ATXN7: variants seen among roughly 807,000 people sequenced by gnomAD.
The protein encoded by ATXN7 is ataxin 7.
ATXN7 carries 12 observed loss-of-function variants against 70.5 expected under a neutral mutation model. That is an observed-to-expected ratio of 0.17 (90% confidence interval 0.11 to 0.28). The LOEUF (loss-of-function observed/expected upper bound fraction) is 0.28. Ranked by LOEUF, ATXN7 falls within the 10% of genes least tolerant of loss-of-function variation. ATXN7 has a pLI of 1.00. For missense variants in ATXN7, 1,256 were observed against 1,131.7 expected (o/e 1.11, Z -1.58); for synonymous variants, 498 against 448.7 (o/e 1.11, Z -1.39).
chr3:63,953,750 A>G lies in ATXN7; in HGVS notation c.499+1267A>G, dbSNP rs565870825. Among the ~76,000 whole-genome samples, 116 of 150,854 alleles carry G rather than the reference A, an allele frequency of 7.7e-4. 1 individual carries two copies. The highest frequency in any genetic ancestry group is 2.7e-3 in the African/African-American group (109 of 41,000). On this transcript the variant is annotated intron_variant, in intron 5 of 12. Coordinates refer to ENST00000674280, the MANE Select transcript of ATXN7 (RefSeq NM_001377405.1). The stretch of plus-strand genomic sequence containing the variant: ...ACTGCAACCTCCGCCTCCCAGATTC[A>G]AGCAATTCCCTTGCTTCAGTCTCCT...
At chr3:63,921,639 A>C (rs1455315581) in intron 4 of ATXN7, among the ~76,000 whole-genome samples, 1 of 152,146 alleles carries the variant, frequency 6.6e-6, no homozygotes, top group Non-Finnish European at 1.5e-5. Flanking sequence ...GAGGTTCCAT[A>C]TGGCAAGTTT....
At chr3:63,954,881 G>C (rs1203384249) in intron 5 of ATXN7, among the ~76,000 whole-genome samples, 1 of 151,614 alleles carries the variant, frequency 6.6e-6, no homozygotes, top group Non-Finnish European at 1.5e-5. Context: ...GCTAATTTTT[G>C]TATTTTTATT....
At chr3:63,981,338 G>A (rs1051045878) in intron 6 of ATXN7, among the ~76,000 whole-genome samples, 6 of 152,198 alleles carry the variant, frequency 3.9e-5, no homozygotes, top group African/African-American at 1.4e-4. Context: ...AGCCACAAAC[G>A]GTGCCAGTGT....
chr3:63,942,862 A>G (rs549737951), intron 4 of ATXN7, among the ~76,000 whole-genome samples: 5 of 152,358 alleles, frequency 3.3e-5, no homozygotes, highest in African/African-American at 1.2e-4. Flanking sequence ...ACAAGTGAGT[A>G]TACTGAGCAG....
intron 11 of ATXN7, among the ~76,000 whole-genome samples, chr3:63,995,047 T>C (rs1322563690): frequency 2.0e-5 from 3 of 152,212 alleles, no homozygotes; most frequent in African/African-American, 7.2e-5. Context: ...TCTCTCGACA[T>C]TTATTCAGTG....
At chr3:63,889,757 TCA>T (rs998959171) in intron 1 of ATXN7, among the ~76,000 whole-genome samples, 2 of 152,198 alleles carry the variant, frequency 1.3e-5, no homozygotes, top group African/African-American at 2.4e-5. Flanking sequence ...CACTGGCTCC[TCA>T]GCTTCTCCAG....
intron 5 of ATXN7, chr3:63,967,927 A>T (rs1318652923): frequency 1.2e-5 from 18 of 1,535,810 alleles, no homozygotes; most frequent in Non-Finnish European, 1.5e-5. Flanking sequence ...AGGTAGCAAG[A>T]CGCCTCTCCA....
intron 4 of ATXN7, among the ~76,000 whole-genome samples, chr3:63,939,782 C>G (rs368752744): frequency 6.6e-6 from 1 of 152,058 alleles, no homozygotes; most frequent in African/African-American, 2.4e-5. Flanking sequence ...CTAGGGTAGC[C>G]GTGAAAGCCA....
chr3:63,912,700 G>C lies in ATXN7; in HGVS notation c.102G>C (p.Gln34His), dbSNP rs1274547018. 2 of 1,176,568 alleles carry C rather than the reference G, an allele frequency of 1.7e-6. No homozygotes were observed. Among genetic ancestry groups the C allele is most frequent in the African/African-American group, 1.7e-5 (1 of 59,762 alleles). The allele number at this position is 1,176,568 out of a possible 1,614,324, so 72.9% of individuals were successfully genotyped here. Residue 34 changes from glutamine (Q) to histidine (H), a missense_variant, in exon 3 of 13, where the codon CAG becomes CAC. Transcript: ENST00000674280. ...CGGCCGCCCGGCAGCAGCAGCAGCA[G>C]CAGCAGCAGCAGCAGCCGCCGCCTC... ...AAAAARQQQQ[Q>H]QQQQQPPPPQ...
intron 4 of ATXN7, among the ~76,000 whole-genome samples, chr3:63,918,468 A>G (rs1238619771): frequency 6.6e-6 from 1 of 152,212 alleles, no homozygotes; most frequent in Non-Finnish European, 1.5e-5. Flanking sequence ...TACAAAGTAG[A>G]GAAAATATTT....
chr3:63,967,133 T>G (rs2075238240), intron 5 of ATXN7, among the ~76,000 whole-genome samples: 1 of 152,136 alleles, frequency 6.6e-6, no homozygotes, highest in East Asian at 1.9e-4. Flanking sequence ...ATTTGTTGAT[T>G]GGCCAGAGAG....
At chr3:63,990,408 C>T in intron 10 of ATXN7, 34 bp downstream of exon 10, 2 of 1,611,342 alleles carry the variant, frequency 1.2e-6, no homozygotes, top group Non-Finnish European at 1.7e-6. Context: ...GTTGACCCTC[C>T]CCACACAGCA....
chr3:63,943,662 T>G (rs574188081), intron 4 of ATXN7, among the ~76,000 whole-genome samples: 41 of 152,308 alleles, frequency 2.7e-4, no homozygotes, highest in Middle Eastern at 6.8e-3. Context: ...GGGCTGGGAT[T>G]TGAACACAAC....
At chr3:63,961,151 C>G (rs1203152571) in intron 5 of ATXN7, among the ~76,000 whole-genome samples, 1 of 152,090 alleles carries the variant, frequency 6.6e-6, no homozygotes, top group East Asian at 1.9e-4. Flanking sequence ...GTTCCTAGAA[C>G]CTGGACAAAG....
At chr3:63,872,320 T>G (rs1325991130) in intron 1 of ATXN7, among the ~76,000 whole-genome samples, 1 of 152,242 alleles carries the variant, frequency 6.6e-6, no homozygotes, top group Non-Finnish European at 1.5e-5. Context: ...ACATACCATT[T>G]TATTTGCTCA....
intron 2 of ATXN7, among the ~76,000 whole-genome samples, chr3:63,910,556 A>G (rs952768385): frequency 5.9e-5 from 9 of 152,242 alleles, no homozygotes; most frequent in Middle Eastern, 3.2e-3. Flanking sequence ...CATAGGGGTC[A>G]TCTAAGCTAT....
At position 63,995,973 on chromosome 3, in the gene ATXN7, T is replaced by TTCCTCCTCCTCTTCC. The variant is rs754388483; in HGVS notation, c.2166_2180dup (p.Ser724_Ser728dup). On this transcript the variant is annotated inframe_insertion, in exon 12 of 13. Coordinates refer to ENST00000674280, the MANE Select transcript of ATXN7 (RefSeq NM_001377405.1). ...ACAGTTCCCCACTGTTGGTTCACTC[T>TTCCTCCTCCTCTTCC]TCCTCCTCCTCTTCCTCCTCCTCCT... 1.9e-6 allele frequency: 3 copies of TTCCTCCTCCTCTTCC among 1,613,798 alleles called. No individual in the cohort carries two copies. Among genetic ancestry groups the TTCCTCCTCCTCTTCC allele is most frequent in the Non-Finnish European group, 2.5e-6 (3 of 1,179,718 alleles).
intron 4 of ATXN7, among the ~76,000 whole-genome samples, chr3:63,950,453 A>G (rs1029486162): frequency 6.6e-6 from 1 of 152,206 alleles, no homozygotes; most frequent in African/African-American, 2.4e-5. Flanking sequence ...TTTAACTGCT[A>G]TCTAATAATA....
intron 9 of ATXN7, chr3:63,988,558 T>G: frequency 1.9e-6 from 1 of 531,792 alleles, no homozygotes; most frequent in South Asian, 2.3e-5. Context: ...AGTTATCTGC[T>G]CTATACTTGC....
Sources: allele counts gnomAD v4.1 joint callset (sites outside exome capture counted in the v4.1 genomes callset), GRCh38; gene constraint gnomAD v4.1.1; transcripts MANE v1.5; gene names NCBI Gene and HGNC (gene_info 2026-07-23, HGNC 2026-07-21).